PIK3R3: variants seen among roughly 807,000 people sequenced by gnomAD.
PIK3R3 encodes the protein phosphoinositide-3-kinase regulatory subunit 3.
Under a neutral mutation model 62.9 loss-of-function variants are expected in PIK3R3, and 64 were observed. The ratio of observed to expected loss-of-function variants is 1.02; its 90% CI spans 0.83 to 1.25. PIK3R3 has a LOEUF of 1.25. Among genes scored for constraint, PIK3R3 ranks in the 50% most tolerant of loss-of-function variants. The pLI is 0.00. For synonymous variants in PIK3R3, 165 were observed against 189.0 expected, an observed-to-expected ratio of 0.87 and a Z score of 1.04; for missense variants, 614 against 561.6, an observed-to-expected ratio of 1.09 and a Z score of -0.94.
At chr1:46,103,894 AT>A (rs2149445463) in intron 1 of PIK3R3, among the ~76,000 whole-genome samples, 1 of 151,890 alleles carries the variant, frequency 6.6e-6, no homozygotes, top group South Asian at 2.1e-4. Context: ...ACGCCCGGCC[AT>A]GATGGTATAT....
At chr1:46,092,090 C>T (rs186773556) in intron 1 of PIK3R3, among the ~76,000 whole-genome samples, 2 of 152,122 alleles carry the variant, frequency 1.3e-5, no homozygotes, top group African/African-American at 4.8e-5. Context: ...TGATAAAGGG[C>T]ACCACTATGC....
intron 1 of PIK3R3, among the ~76,000 whole-genome samples, chr1:46,127,876 T>A (rs574292905): frequency 9.9e-5 from 15 of 152,184 alleles, no homozygotes; most frequent in Non-Finnish European, 1.9e-4. Context: ...AATAAAAAGT[T>A]TTATGTTTCA....
upstream of PIK3R3, among the ~76,000 whole-genome samples, chr1:46,135,019 G>A (rs1212831327): frequency 2.0e-5 from 3 of 152,208 alleles, no homozygotes; most frequent in African/African-American, 7.2e-5. Context: ...TGATGCAAGA[G>A]GCAATGATGA....
intron 3 of PIK3R3, among the ~76,000 whole-genome samples, chr1:46,075,215 C>T (rs1346691816): frequency 6.6e-6 from 1 of 152,202 alleles, no homozygotes; most frequent in East Asian, 1.9e-4. Flanking sequence ...ACTGTCAGTG[C>T]TCTCTGTACT....
In PIK3R3 at chr1:46,083,968, A is replaced by C. The variant is rs374649908; in HGVS notation, c.107-3218T>G. On this transcript the variant is annotated intron_variant, in intron 1 of 9. Coordinates refer to ENST00000262741, the MANE Select transcript of PIK3R3 (RefSeq NM_003629.4). ...GTATCTACACAAAAACTTGCACATG[A>C]ATGTTCATAGTAGCTTTATTTATAA... 2.0e-4 allele frequency among the ~76,000 whole-genome samples: 30 copies of C among 152,326 alleles called. No homozygotes were observed. In the East Asian group the frequency reaches 3.1e-3, roughly 16 times the overall value.
intron 1 of PIK3R3, among the ~76,000 whole-genome samples, chr1:46,128,805 G>T (rs1374554139): frequency 6.6e-6 from 1 of 152,176 alleles, no homozygotes; most frequent in Non-Finnish European, 1.5e-5. Context: ...AGTAGGCCAG[G>T]CGCGGGGTCT....
intron 1 of PIK3R3, among the ~76,000 whole-genome samples, chr1:46,098,042 A>G (rs1166809260): frequency 6.6e-6 from 1 of 152,234 alleles, no homozygotes; most frequent in Non-Finnish European, 1.5e-5. Context: ...AAAGAGTTCA[A>G]CAAGGTTGCA....
chr1:46,049,473 G>T (rs933349695), intron 7 of PIK3R3, among the ~76,000 whole-genome samples: 1 of 152,246 alleles, frequency 6.6e-6, no homozygotes, highest in African/African-American at 2.4e-5. Context: ...AGAAAACGGG[G>T]TGACAGAAAA....
At chr1:46,166,716 G>A in the PIK3R3 span, among the ~76,000 whole-genome samples, 1 of 152,200 alleles carries the variant, frequency 6.6e-6, no homozygotes, top group Non-Finnish European at 1.5e-5. Flanking sequence ...GTACCTCGAG[G>A]ATGAGAACAG....
Position 46,131,933 on chromosome 1 carries a change from C to G in PIK3R3, c.20G>C (p.Ser7Thr), listed in dbSNP as rs1412336695. The G allele has an allele frequency of 6.2e-6, 10 of 1,613,940 alleles. No homozygotes were observed. Among genetic ancestry groups the G allele is most frequent in the Non-Finnish European group, 7.6e-6 (9 of 1,179,970 alleles). MYNTVW[S>T]MDRDDADWRE... ...CCAGTCTGCGTCATCGCGGTCCATA[C>G]TCCACACCGTATTGTACATCGCGCT... is the stretch of plus-strand genomic sequence containing the variant. The change falls in exon 1 of 10, where the codon AGT becomes ACT. Residue 7 changes from serine to threonine, a missense_variant. Physicochemically the swap from Ser to Thr is moderately conservative, Grantham distance 58. Coordinates refer to ENST00000262741, the MANE Select transcript of PIK3R3 (RefSeq NM_003629.4).
intron 7 of PIK3R3, among the ~76,000 whole-genome samples, chr1:46,052,087 G>A (rs1225629829): frequency 6.6e-6 from 1 of 151,978 alleles, no homozygotes; most frequent in African/African-American, 2.4e-5. Context: ...GCAGTGAGCT[G>A]AGATCGCGCC....
intron 7 of PIK3R3, chr1:46,046,914 C>T (rs1157495634): frequency 1.2e-5 from 6 of 481,496 alleles, no homozygotes; most frequent in African/African-American, 7.8e-5. Context: ...CAAGCACACA[C>T]ATACTCGCAC....
the PIK3R3 span, among the ~76,000 whole-genome samples, chr1:46,152,280 A>T: frequency 3.9e-5 from 6 of 152,136 alleles, no homozygotes; most frequent in Non-Finnish European, 5.9e-5. Flanking sequence ...ACTTCTCCAT[A>T]TCGGGTATCT....
At chr1:46,136,543 AGT>A (rs1655941152), upstream of PIK3R3, among the ~76,000 whole-genome samples, 1 of 152,160 alleles carries the variant, frequency 6.6e-6, no homozygotes, top group South Asian at 2.1e-4. Context: ...CCCATGATAG[AGT>A]TAATCATTTA....
At chr1:46,064,187 T>C (rs1648781394) in intron 5 of PIK3R3, among the ~76,000 whole-genome samples, 1 of 151,810 alleles carries the variant, frequency 6.6e-6, no homozygotes, top group South Asian at 2.1e-4. Flanking sequence ...CACTCCAGCC[T>C]GGGCAATAGA....
At chr1:46,117,431 C>CA (rs1195075107) in intron 1 of PIK3R3, among the ~76,000 whole-genome samples, 88 of 139,822 alleles carry the variant, frequency 6.3e-4, no homozygotes, top group Middle Eastern at 7.2e-3. Flanking sequence ...ATCTTGTATC[C>CA]AAAAAAAAAA....
chr1:46,055,611 A>G (rs1647811387), intron 7 of PIK3R3, among the ~76,000 whole-genome samples, 184 bp downstream of exon 7: 1 of 152,218 alleles, frequency 6.6e-6, no homozygotes, highest in Non-Finnish European at 1.5e-5. Context: ...TGCTCCACAT[A>G]TTAACTTCAG....
intron 3 of PIK3R3, among the ~76,000 whole-genome samples, chr1:46,071,730 T>TATATATATATAGAGAGAGAGAGAGAG (rs1163343399): frequency 1.7e-5 from 1 of 59,066 alleles, no homozygotes; most frequent in African/African-American, 7.9e-5. Flanking sequence ...TATATATATA[T>TATATATATATAGAGAGAGAGAGAGAG]AGAGAGAGAG....
chr1:46,172,601 G>A, the PIK3R3 span, among the ~76,000 whole-genome samples: 1 of 152,144 alleles, frequency 6.6e-6, no homozygotes, highest in African/African-American at 2.4e-5. Context: ...GAGGTGGGAG[G>A]ATAGATTGTG....
Sources: allele counts gnomAD v4.1 joint callset (sites outside exome capture counted in the v4.1 genomes callset), GRCh38; gene constraint gnomAD v4.1.1; transcripts MANE v1.5; gene names NCBI Gene and HGNC (gene_info 2026-07-23, HGNC 2026-07-21).